ABCA13: variants seen among roughly 807,000 people sequenced by gnomAD.
ABCA13 encodes the protein ATP-binding cassette sub-family A member 13.
A neutral mutation model predicts 478.7 loss-of-function variants in ABCA13; 476 were observed. That is an observed-to-expected ratio of 0.99 (90% CI 0.92 to 1.07). The LOEUF (loss-of-function observed/expected upper bound fraction) is 1.07. ABCA13 is among the 50% of genes least tolerant of loss of function. The pLI is 0.00. For missense variants in ABCA13, 6,060 were observed against 5,910.6 expected, an observed-to-expected ratio of 1.03 and a Z score of -0.83; for synonymous variants, 2,252 against 2,158.9, an observed-to-expected ratio of 1.04 and a Z score of -1.20.
At chr7:48,429,460 T>C (rs1262823590) in intron 42 of ABCA13, among the ~76,000 whole-genome samples, 2 of 152,214 alleles carry the variant, frequency 1.3e-5, no homozygotes, top group Admixed American at 1.3e-4. Flanking sequence ...TTACAGACAC[T>C]TTAGTGGATG....
At chr7:48,183,333 C>A (rs1013746525) in intron 1 of ABCA13, among the ~76,000 whole-genome samples, 3 of 152,184 alleles carry the variant, frequency 2.0e-5, no homozygotes, top group African/African-American at 7.2e-5. Flanking sequence ...TTGTTCAAGA[C>A]AGATGGAAAA....
chr7:48,622,346 C>T (rs935040231), intron 59 of ABCA13, among the ~76,000 whole-genome samples: 4 of 152,184 alleles, frequency 2.6e-5, no homozygotes, highest in African/African-American at 4.8e-5. Flanking sequence ...ACCTGGGCTA[C>T]ACCTGTGCCA....
chr7:48,506,396 T>C lies in ABCA13; in HGVS notation c.13346+6T>C. The C allele has an allele frequency of 6.2e-7, 1 of 1,613,550 alleles. No homozygotes were observed. On this transcript the variant is annotated splice_donor_region_variant and intron_variant, in intron 49 of 61. Transcript: ENST00000435803. Reference sequence around the variant, plus strand: ...TTGCTGAACGAGGACAAGATGTGAGTTGATGGAATGCTGAGGGGTGTGTGA... The same window carrying C: ...TTGCTGAACGAGGACAAGATGTGAGCTGATGGAATGCTGAGGGGTGTGTGA...
intron 59 of ABCA13, among the ~76,000 whole-genome samples, chr7:48,635,152 T>C (rs1030505470): frequency 6.6e-6 from 1 of 150,450 alleles, no homozygotes; most frequent in Admixed American, 6.6e-5. Flanking sequence ...AATCTCCCAA[T>C]TGCCTTTCAC....
In ABCA13 at chr7:48,559,018, A is replaced by C. The variant is rs888258199; in HGVS notation, c.14355-21206A>C. On this transcript the variant is annotated intron_variant, in intron 55 of 61. Transcript: ENST00000435803. ...GCTAATGTCTATCTAACTACCTAACATAACCACTACCTGCCTACCACCTAT... is the reference window on the plus strand; with the variant it reads ...GCTAATGTCTATCTAACTACCTAACCTAACCACTACCTGCCTACCACCTAT... Among the ~76,000 whole-genome samples, 3 of 152,154 alleles carry C rather than the reference A, an allele frequency of 2.0e-5. No homozygotes were observed. The South Asian group carries it at 6.2e-4, about 32-fold the overall frequency.
At chr7:48,626,509 A>T (rs1368006742) in intron 59 of ABCA13, 7 of 611,496 alleles carry the variant, frequency 1.1e-5, no homozygotes, top group Admixed American at 6.4e-5. Flanking sequence ...ATTCTAAGGT[A>T]AAAAAAAGGC....
At chr7:48,338,047 T>C (rs1806540669) in intron 28 of ABCA13, among the ~76,000 whole-genome samples, 1 of 152,200 alleles carries the variant, frequency 6.6e-6, no homozygotes, top group South Asian at 2.1e-4. Context: ...AAAGGAATCT[T>C]ATAGAAAGGT....
chr7:48,480,156 C>T (rs1452225691), intron 45 of ABCA13, among the ~76,000 whole-genome samples: 1 of 152,222 alleles, frequency 6.6e-6, no homozygotes, highest in African/African-American at 2.4e-5. Flanking sequence ...GACGTCTTAT[C>T]CATCATGATT....
At position 48,352,462 on chromosome 7, in the gene ABCA13, C is replaced by A; in HGVS notation, c.10663C>A (p.Pro3555Thr). ...ACCAGCAGCACAGACTCAGGCGGCC[C>A]CTTACCCCTGCCATACCAGCGACCT... ...LEPAAQTQAA[P>T]YPCHTSDLFL... Residue 3555 changes from proline to threonine, a missense_variant, in exon 31 of 62, where the codon CCT becomes ACT. Pro to Thr is a conservative substitution (Grantham distance 38). This residue lies in a region of ABCA13 where 4,423 missense variants were observed against 4,309.1 expected (regional missense o/e 1.03). Transcript: ENST00000435803. 6.2e-7 allele frequency: 1 copy of A among 1,608,768 alleles called. No homozygotes were observed. Among genetic ancestry groups the A allele is most frequent in the African/African-American group, 1.3e-5 (1 of 74,642 alleles).
intron 38 of ABCA13, among the ~76,000 whole-genome samples, chr7:48,395,257 G>A (rs1185447605): frequency 6.6e-6 from 1 of 152,198 alleles, no homozygotes; most frequent in Non-Finnish European, 1.5e-5. Flanking sequence ...GATGGGGTGG[G>A]CTGGGGTGAG....
chr7:48,311,796 C>T lies in ABCA13; in HGVS notation c.9517-1271C>T, dbSNP rs532614258. 7.2e-5 allele frequency among the ~76,000 whole-genome samples: 11 copies of T among 152,294 alleles called. 2 individuals carry two copies. Among genetic ancestry groups the T allele is most frequent in the East Asian group, 1.9e-4 (1 of 5,186 alleles). ...CAGCCCGACCTCCATGTGAGGGCCA[C>T]GTGCAGGTGCAGCTCATTCCCAAGT... On this transcript the variant is annotated intron_variant, in intron 24 of 61. Transcript: ENST00000435803.
At chr7:48,609,519 T>C (rs527557815) in intron 58 of ABCA13, among the ~76,000 whole-genome samples, 1 of 152,156 alleles carries the variant, frequency 6.6e-6, no homozygotes, top group South Asian at 2.1e-4. Context: ...CCCCAGGGAA[T>C]CTTGGTAAAG....
chr7:48,323,991 C>T (rs1255347095), intron 27 of ABCA13, among the ~76,000 whole-genome samples: 1 of 152,162 alleles, frequency 6.6e-6, no homozygotes, highest in Non-Finnish European at 1.5e-5. Flanking sequence ...TATGAGGCCT[C>T]CCTAGCCATA....
chr7:48,358,258 AGG>A (rs1810282407), intron 31 of ABCA13, among the ~76,000 whole-genome samples: 1 of 19,230 alleles, frequency 5.2e-5, no homozygotes, highest in African/African-American at 2.3e-4. Context: ...AGGGGAGGGG[AGG>A]GGAGGGGACA....
intron 3 of ABCA13, among the ~76,000 whole-genome samples, chr7:48,201,225 G>A (rs751938460): frequency 1.3e-5 from 2 of 152,254 alleles, no homozygotes; most frequent in African/African-American, 4.8e-5. Flanking sequence ...GCAAAGGCGT[G>A]TCTAAACTAC....
At chr7:48,525,861 G>A (rs1832859092) in intron 54 of ABCA13, among the ~76,000 whole-genome samples, 1 of 152,112 alleles carries the variant, frequency 6.6e-6, no homozygotes, top group South Asian at 2.1e-4. Flanking sequence ...AATCCCACAT[G>A]CATTAGCTAT....
chr7:48,180,215 C>A (rs1313444472), intron 1 of ABCA13, among the ~76,000 whole-genome samples: 1 of 152,214 alleles, frequency 6.6e-6, no homozygotes, highest in Non-Finnish European at 1.5e-5. Flanking sequence ...GGGGGCATTA[C>A]CACAGGACAG....
Position 48,272,542 on chromosome 7 carries a change from CT to C in ABCA13, c.2879del (p.Leu960TyrfsTer17). The C allele has an allele frequency of 6.2e-7, 1 of 1,613,714 alleles. No homozygotes were observed. Among genetic ancestry groups the C allele is most frequent in the Non-Finnish European group, 8.5e-7 (1 of 1,179,734 alleles). The stretch of plus-strand genomic sequence containing the variant: ...AATGTCTTCCAGGACAAGGATTCAG[CT>C]TTACTTCTGCAAATTTATTCTTCAT... ...HLNVFQDKDS[A>X]LLLQIYSSFY... On this transcript the variant is annotated frameshift_variant, in exon 17 of 62. Transcript: ENST00000435803. LOFTEE classifies it high-confidence loss of function.
At chr7:48,441,809 A>G (rs1478240374) in intron 42 of ABCA13, among the ~76,000 whole-genome samples, 1 of 152,186 alleles carries the variant, frequency 6.6e-6, no homozygotes, top group Admixed American at 6.5e-5. Flanking sequence ...ATTTCTGGGC[A>G]GTGTTGAGAG....
Sources: gnomAD v4.1 joint callset for allele counts (sites outside exome capture counted in the v4.1 genomes callset) on GRCh38, gnomAD v4.1.1 for gene constraint, gnomAD v4.1.1 regional missense constraint, MANE v1.5 for transcripts, NCBI Gene and HGNC (gene_info 2026-07-23, HGNC 2026-07-21) for gene names.